The following SCN4A variants were observed in gnomAD, a reference collection of about 807,000 sequenced individuals.
SCN4A encodes sodium channel protein type 4 subunit alpha.
SCN4A carries 83 observed loss-of-function variants against 162.0 expected under a neutral mutation model. The ratio of observed to expected loss-of-function variants is 0.51; its 90% CI spans 0.43 to 0.61. SCN4A has a LOEUF of 0.61. SCN4A is among the 20% of genes least tolerant of loss of function. SCN4A has a pLI of 0.00. For synonymous variants in SCN4A, 944 were observed against 985.1 expected, an observed-to-expected ratio of 0.96 and a Z score of 0.78; for missense variants, 2,196 against 2,462.5, an observed-to-expected ratio of 0.89 and a Z score of 2.29.
chr17:63,948,838 C>G (rs530665131), intron 15 of SCN4A, 73 bp from the exon 16 acceptor site: 2 of 1,394,826 alleles, frequency 1.4e-6, no homozygotes, highest in Non-Finnish European at 9.6e-7. Flanking sequence ...GCACAGTCAG[C>G]GCCCTCCCAT....
chr17:63,939,731 C>T lies in SCN4A; in HGVS notation c.*1040G>A, dbSNP rs1244633751. The stretch of plus-strand genomic sequence containing the variant: ...CCAGGGTCGAAATATCTAACCTGAG[C>T]TCAACTGTACATTCTTAGGATCACT... On this transcript the variant is annotated 3_prime_UTR_variant, in exon 24 of 24. Transcript: ENST00000435607. The T allele has an allele frequency of 6.6e-6, 1 of 152,202 alleles. No individual in the cohort carries two copies. Among genetic ancestry groups the T allele is most frequent in the East Asian group, 1.9e-4 (1 of 5,190 alleles). 9.4% of individuals were successfully genotyped at this position (152,202 alleles called of 1,614,324 possible).
intron 22 of SCN4A, 123 bp downstream of exon 22, chr17:63,943,623 T>A: frequency 1.6e-6 from 1 of 629,142 alleles, no homozygotes; most frequent in East Asian, 2.8e-5. Context: ...GCCCCTGGGG[T>A]GGGCCTAACC....
At chr17:63,967,443 G>A (rs573906056) in intron 6 of SCN4A, among the ~76,000 whole-genome samples, 4 of 151,952 alleles carry the variant, frequency 2.6e-5, no homozygotes, top group African/African-American at 7.2e-5. Flanking sequence ...GTGAGCCACC[G>A]TGCCTGGCAC....
intron 5 of SCN4A, among the ~76,000 whole-genome samples, chr17:63,969,808 A>G (rs1567828717): frequency 6.6e-6 from 1 of 151,796 alleles, no homozygotes; most frequent in African/African-American, 2.4e-5. Flanking sequence ...ACGCCCAGCT[A>G]ATTTTTGTAT....
At chr17:63,947,256 C>T in intron 17 of SCN4A, 89 bp from the exon 18 acceptor site, 1 of 1,529,546 alleles carries the variant, frequency 6.5e-7, no homozygotes, top group South Asian at 1.1e-5. Context: ...GGACTCACAG[C>T]TCCTGGTTGT....
At chr17:63,966,072 G>T in intron 8 of SCN4A, 30 bp downstream of exon 8, 3 of 1,538,628 alleles carry the variant, frequency 1.9e-6, no homozygotes, top group Non-Finnish European at 2.6e-6. Context: ...GTGGCTGTAG[G>T]GTTGGGGGGC....
In SCN4A at chr17:63,941,537, A is replaced by G; in HGVS notation, c.4745T>C (p.Ile1582Thr). 1 of 1,614,066 alleles carries G rather than the reference A, an allele frequency of 6.2e-7. No individual in the cohort carries two copies. The highest frequency in any genetic ancestry group is 8.5e-7 in the Non-Finnish European group (1 of 1,180,018). The change falls in exon 24 of 24, where the codon ATC becomes ACC. Residue 1582 changes from isoleucine to threonine, a missense_variant. Transcript: ENST00000435607. This position sits in a 1 kb window ranked among gnomAD's most constrained non-coding sequence, Gnocchi z 6.2. ...GACCACGATGAGGAAGGAGATGATG[A>G]TATAGCTGCAGAAGAAGCAGATGCC... Reference protein sequence around the residue: ...SIGICFFCSYIIISFLIVVNM... With the variant: ...SIGICFFCSYTIISFLIVVNM...
chr17:63,966,599 AG>A, intron 6 of SCN4A, 55 bp from the exon 7 acceptor site: 3 of 1,364,898 alleles, frequency 2.2e-6, no homozygotes, highest in Non-Finnish European at 3.1e-6. Context: ...ACACAGTGTG[AG>A]CACCTGCGCC....
At chr17:63,949,299 C>A in intron 15 of SCN4A, 94 bp downstream of exon 15, 1 of 1,362,132 alleles carries the variant, frequency 7.3e-7, no homozygotes, top group Admixed American at 2.5e-5. Context: ...CAGGCAGCCC[C>A]AGGTCCGTGT....
chr17:63,972,440 T>C lies in SCN4A; in HGVS notation c.304A>G (p.Ile102Val). 1 of 1,613,896 alleles carries C rather than the reference T, an allele frequency of 6.2e-7. No individual in the cohort carries two copies. Among genetic ancestry groups the C allele is most frequent in the Non-Finnish European group, 8.5e-7 (1 of 1,179,866 alleles). The change falls in exon 2 of 24, where the codon ATC becomes GTC. Residue 102 changes from isoleucine (I) to valine (V), a missense_variant. Coordinates refer to ENST00000435607, the MANE Select transcript of SCN4A (RefSeq NM_000334.4). This position sits in a 1 kb window ranked among gnomAD's most constrained non-coding sequence, Gnocchi z 4.3. ...TFIVLNKGKA[I>V]FRFSATPALY... ...GCAGGTGTGGCGGAGAAGCGGAAGATGGCCTTGCCCTTGTTGAGTACGATG... is the reference window on the plus strand; with the variant it reads ...GCAGGTGTGGCGGAGAAGCGGAAGACGGCCTTGCCCTTGTTGAGTACGATG...
intron 16 of SCN4A, 52 bp downstream of exon 16, chr17:63,948,559 C>A: frequency 6.5e-7 from 1 of 1,546,612 alleles, no homozygotes. Flanking sequence ...CCAAGAGGAC[C>A]TGCTGTGGGC....
At chr17:63,970,161 T>C (rs764361123) in intron 5 of SCN4A, among the ~76,000 whole-genome samples, 25 of 152,214 alleles carry the variant, frequency 1.6e-4, no homozygotes, top group Admixed American at 5.9e-4. Context: ...GGTGTGTTCC[T>C]AATTGAGCTC....
chr17:63,943,875 G>T, intron 21 of SCN4A, 25 bp from the exon 22 acceptor site: 1 of 1,491,670 alleles, frequency 6.7e-7, no homozygotes, highest in Non-Finnish European at 9.4e-7. Context: ...GGCTTGTCAG[G>T]TTGAGGTGCA....
chr17:63,959,153 C>G lies in SCN4A; in HGVS notation c.2019+112G>C, dbSNP rs186675860. ...GGTGTGCACAAGGCAGAGGAGGCCT[C>G]GTTTTCAGCCCTCTAGCTTCCTGGG... On this transcript the variant is annotated intron_variant, in intron 12 of 23. Transcript: ENST00000435607. The G allele has an allele frequency of 1.3e-5, 12 of 923,504 alleles. No homozygotes were observed. In the African/African-American group the frequency reaches 1.3e-4, roughly 10 times the overall value. 57.2% of individuals were successfully genotyped at this position (923,504 alleles called of 1,614,324 possible). A position where few individuals can be genotyped will look rare whatever the true frequency, so the allele number is the denominator to read the frequency against.
chr17:63,967,255 C>T lies in SCN4A; in HGVS notation c.1037-711G>A, dbSNP rs548667124. On this transcript the variant is annotated intron_variant, in intron 6 of 23. Coordinates refer to ENST00000435607, the MANE Select transcript of SCN4A (RefSeq NM_000334.4). ...GCAACCTCTGTCTGCCAGGTTCAAG[C>T]GATTCTCCTGCCTCAGCCTCTGGAG... is the stretch of plus-strand genomic sequence containing the variant. 5.1e-4 allele frequency among the ~76,000 whole-genome samples: 77 copies of T among 152,068 alleles called. No homozygotes were observed. In the East Asian group the frequency reaches 7.2e-3, roughly 14 times the overall value.
intron 13 of SCN4A, among the ~76,000 whole-genome samples, chr17:63,955,543 G>A (rs968190834): frequency 6.6e-6 from 1 of 152,168 alleles, no homozygotes; most frequent in Admixed American, 6.5e-5. Context: ...TAACGGGCTC[G>A]AGGTTTCCCA....
chr17:63,948,896 C>T, intron 15 of SCN4A, 131 bp from the exon 16 acceptor site: 1 of 756,318 alleles, frequency 1.3e-6, no homozygotes, highest in Non-Finnish European at 2.0e-6. Context: ...GGGCCCCCAC[C>T]TCCTCCCTCA....
Position 63,941,400 on chromosome 17 carries a change from C to T in SCN4A, c.4882G>A (p.Asp1628Asn), listed in dbSNP as rs1004398583. The T allele has an allele frequency of 8.7e-6, 14 of 1,613,814 alleles. No individual in the cohort carries two copies. In the Admixed American group the frequency reaches 1.5e-4, roughly 17 times the overall value. Residue 1628 changes from aspartate (D) to asparagine (N), a missense_variant, in exon 24 of 24, where the codon GAC (aspartate) becomes AAC (asparagine). Asp to Asn is a conservative substitution (Grantham distance 23). Transcript: ENST00000435607. The surrounding 1 kb of genome is among the most constrained non-coding windows in gnomAD (Gnocchi z 6.2). ...EMFYETWEKF[D>N]PDATQFIAYS... Reference sequence around the variant, plus strand: ...GCGATGAACTGGGTGGCGTCGGGGTCGAACTTCTCCCATGTCTCGTAGAAC... The same window carrying T: ...GCGATGAACTGGGTGGCGTCGGGGTTGAACTTCTCCCATGTCTCGTAGAAC...
At chr17:63,956,627 C>T (rs936310525) in intron 13 of SCN4A, among the ~76,000 whole-genome samples, 14 of 152,242 alleles carry the variant, frequency 9.2e-5, no homozygotes, top group African/African-American at 3.1e-4. Flanking sequence ...CCCCACAAAA[C>T]TGTGCCTTTG....
Sources: gnomAD v4.1 joint callset for allele counts (sites outside exome capture counted in the v4.1 genomes callset) on GRCh38, gnomAD v4.1.1 for gene constraint, Gnocchi (gnomAD v3.1) non-coding constraint, MANE v1.5 for transcripts, NCBI Gene and HGNC (gene_info 2026-07-23, HGNC 2026-07-21) for gene names.